Variants in SLC39A11 observed in about 807,000 individuals in gnomAD.
The protein encoded by SLC39A11 is zinc transporter ZIP11.
In SLC39A11, 33 loss-of-function variants were observed where a neutral mutation model predicts 36.1. The ratio of observed to expected loss-of-function variants is 0.91; its 90% confidence interval spans 0.69 to 1.22. The LOEUF (loss-of-function observed/expected upper bound fraction) is 1.22, where lower values mean the gene tolerates loss of function less well. Among genes scored for constraint, SLC39A11 ranks in the 50% most tolerant of loss-of-function variants. The pLI is 0.00. For missense variants in SLC39A11, 432 were observed against 430.3 expected, an observed-to-expected ratio of 1.00 and a Z score of -0.03; for synonymous variants, 166 against 170.3, an observed-to-expected ratio of 0.97 and a Z score of 0.20.
intron 7 of SLC39A11, among the ~76,000 whole-genome samples, chr17:72,691,266 C>A (rs189286758): frequency 5.3e-5 from 8 of 152,308 alleles, no homozygotes; most frequent in Admixed American, 2.6e-4. Context: ...CTGGCTCAGG[C>A]ATTTCCTAGA....
chr17:72,833,579 G>A (rs2078379411), intron 6 of SLC39A11, among the ~76,000 whole-genome samples: 1 of 152,224 alleles, frequency 6.6e-6, no homozygotes, highest in Non-Finnish European at 1.5e-5. Context: ...ATTTTCATCT[G>A]ACGGTTAACA....
At position 72,647,224 on chromosome 17, in the gene SLC39A11, T is replaced by C. The variant is rs2069598709; in HGVS notation, c.*360A>G. On this transcript the variant is annotated 3_prime_UTR_variant, in exon 10 of 10. Coordinates refer to ENST00000255559, the MANE Select transcript of SLC39A11 (RefSeq NM_139177.4). ...GCCACCAAAATGCTTAGGAGACGTC[T>C]TTTGGTAGCTCGCTTCTATAGGTGA... 5.6e-6 allele frequency: 1 copy of C among 177,636 alleles called. No homozygotes were observed. Among genetic ancestry groups the C allele is most frequent in the South Asian group, 1.3e-4 (1 of 7,760 alleles). The allele number at this position is 177,636 out of a possible 1,614,324, so 11.0% of individuals were successfully genotyped here.
intron 7 of SLC39A11, among the ~76,000 whole-genome samples, chr17:72,701,676 C>T (rs1329249086): frequency 7.0e-5 from 9 of 127,924 alleles, no homozygotes; most frequent in Admixed American, 3.6e-4. Context: ...TGCAGGGAGC[C>T]GAGGTTGTAC....
intron 4 of SLC39A11, among the ~76,000 whole-genome samples, chr17:73,000,460 G>A (rs1284917137): frequency 6.6e-6 from 1 of 152,104 alleles, no homozygotes; most frequent in Admixed American, 6.5e-5. Context: ...TGGGAACAAG[G>A]CACATAGGCC....
chr17:72,975,296 A>T (rs2087762372), intron 4 of SLC39A11, among the ~76,000 whole-genome samples: 1 of 152,112 alleles, frequency 6.6e-6, no homozygotes, highest in South Asian at 2.1e-4. Flanking sequence ...AAAATTAGCC[A>T]GGTGTGGTGG....
intron 7 of SLC39A11, among the ~76,000 whole-genome samples, chr17:72,683,372 C>T (rs564413232): frequency 1.1e-3 from 160 of 145,706 alleles, no homozygotes; most frequent in African/African-American, 4.0e-3. Context: ...GTCTCGCCAT[C>T]TCCTATAGGC....
At chr17:72,812,843 T>A (rs545952664) in intron 6 of SLC39A11, among the ~76,000 whole-genome samples, 17 of 152,360 alleles carry the variant, frequency 1.1e-4, no homozygotes, top group African/African-American at 3.4e-4. Flanking sequence ...TTAGTTTTCA[T>A]AAGCTCAGCA....
intron 3 of SLC39A11, among the ~76,000 whole-genome samples, chr17:73,051,584 G>A (rs1017884817): frequency 1.3e-5 from 2 of 150,836 alleles, no homozygotes; most frequent in Middle Eastern, 3.2e-3. Flanking sequence ...CAGGCCAGTC[G>A]CCGTGGTTCA....
intron 4 of SLC39A11, among the ~76,000 whole-genome samples, chr17:72,949,202 T>C (rs1488037437): frequency 2.4e-5 from 3 of 122,836 alleles, no homozygotes; most frequent in African/African-American, 3.2e-5. Flanking sequence ...CTCTGTCACC[T>C]AGGCTGGAGT....
chr17:72,700,250 A>T (rs2072547385), intron 7 of SLC39A11, among the ~76,000 whole-genome samples: 1 of 152,158 alleles, frequency 6.6e-6, no homozygotes, highest in African/African-American at 2.4e-5. Flanking sequence ...ACTTGACTGC[A>T]ATTTTATTTT....
intron 6 of SLC39A11, among the ~76,000 whole-genome samples, chr17:72,840,937 C>A (rs1449998085): frequency 1.3e-5 from 2 of 151,540 alleles, no homozygotes; most frequent in Admixed American, 6.6e-5. Flanking sequence ...CGCCTGTAGT[C>A]CCAGCTACTG....
intron 4 of SLC39A11, among the ~76,000 whole-genome samples, chr17:72,992,325 G>A (rs1219297657): frequency 6.6e-6 from 1 of 152,192 alleles, no homozygotes; most frequent in African/African-American, 2.4e-5. Context: ...TTGCACTCCA[G>A]CCAGGGTGAC....
intron 6 of SLC39A11, among the ~76,000 whole-genome samples, chr17:72,789,920 C>A (rs2076644221): frequency 1.3e-5 from 2 of 152,142 alleles, no homozygotes; most frequent in African/African-American, 4.8e-5. Flanking sequence ...GATGCTTGGG[C>A]AGGGAATTTA....
chr17:72,725,910 T>C (rs2073910962), intron 7 of SLC39A11, among the ~76,000 whole-genome samples: 1 of 152,138 alleles, frequency 6.6e-6, no homozygotes, highest in Non-Finnish European at 1.5e-5. Context: ...CCGAAGTGAC[T>C]CAAGGGTGGG....
chr17:72,840,955 T>G (rs758677769), intron 6 of SLC39A11, among the ~76,000 whole-genome samples: 6 of 151,260 alleles, frequency 4.0e-5, no homozygotes, highest in Non-Finnish European at 8.8e-5. Flanking sequence ...CTGGCGAGGC[T>G]GAGGCAGGAG....
rs564043822 is a variant in SLC39A11, at chr17:72,783,799, G to T, written c.602-47080C>A. Among the ~76,000 whole-genome samples the T allele has an allele frequency of 3.9e-5, 6 of 152,276 alleles. No homozygotes were observed. In the South Asian group the frequency reaches 1.2e-3, roughly 32 times the overall value. ...AGTTAACAGGCGCCCACGTCACAATGGATGGATTGAAGAATTAAGAGGAAC... is the reference window on the plus strand; with the variant it reads ...AGTTAACAGGCGCCCACGTCACAATTGATGGATTGAAGAATTAAGAGGAAC... On this transcript the variant is annotated intron_variant, in intron 6 of 9. Transcript: ENST00000255559.
chr17:72,957,323 T>C (rs1202452440), intron 4 of SLC39A11, among the ~76,000 whole-genome samples: 1 of 152,226 alleles, frequency 6.6e-6, no homozygotes, highest in African/African-American at 2.4e-5. Flanking sequence ...TGCCATTTAT[T>C]GCAGTACATA....
intron 6 of SLC39A11, among the ~76,000 whole-genome samples, chr17:72,846,018 C>CTTTTTTT (rs569100122): frequency 0.06 from 3,489 of 57,948 alleles, 742 homozygotes; most frequent in Non-Finnish European, 0.068. Context: ...CTCTCTCTCT[C>CTTTTTTT]TTTTTTTTTT....
chr17:73,010,207 G>A (rs775412687), intron 4 of SLC39A11, among the ~76,000 whole-genome samples: 3 of 152,046 alleles, frequency 2.0e-5, no homozygotes, highest in African/African-American at 4.8e-5. Flanking sequence ...GTGGGGTCCC[G>A]GCACCTGCAT....
Sources: gnomAD v4.1 joint callset for allele counts (sites outside exome capture counted in the v4.1 genomes callset) on GRCh38, gnomAD v4.1.1 for gene constraint, MANE v1.5 for transcripts, NCBI Gene and HGNC (gene_info 2026-07-23, HGNC 2026-07-21) for gene names.